CMTM4: variants seen among roughly 807,000 people sequenced by gnomAD.
The protein encoded by CMTM4 is CKLF-like MARVEL transmembrane domain-containing protein 4.
CMTM4 carries 8 observed loss-of-function variants against 19.0 expected under a neutral mutation model. That is an observed-to-expected ratio of 0.42 (90% CI 0.25 to 0.76). The LOEUF is 0.76. CMTM4 is among the 30% of genes least tolerant of loss of function. The pLI, the probability that CMTM4 is intolerant of heterozygous loss-of-function variation, is 0.27. For missense variants in CMTM4, 228 were observed against 290.2 expected (o/e 0.79, Z 1.56); for synonymous variants, 106 against 121.1 (o/e 0.88, Z 0.82).
chr16:66,600,112 T>TTG, the CMTM4 span, among the ~76,000 whole-genome samples: 771 of 146,538 alleles, frequency 5.3e-3, 4 homozygotes, highest in Middle Eastern at 0.021. Context: ...AGCCATCCTT[T>TTG]TGTGTGTGTG....
In CMTM4 at chr16:66,696,220, C is replaced by A; in HGVS notation, c.186+120G>T. ...CCGGGACCCCACGAGGGAGAGGGGGCGCGAGGAGCGGGCTCCGGCCTGGGC... is the reference window on the plus strand; with the variant it reads ...CCGGGACCCCACGAGGGAGAGGGGGAGCGAGGAGCGGGCTCCGGCCTGGGC... On this transcript the variant is annotated intron_variant, in intron 1 of 3. Coordinates refer to ENST00000394106, the MANE Select transcript of CMTM4 (RefSeq NM_181521.3). The surrounding 1 kb of genome is among the most constrained non-coding windows in gnomAD (Gnocchi z 4.3). 1 of 653,950 alleles carries A rather than the reference C, an allele frequency of 1.5e-6. No individual in the cohort carries two copies. Among genetic ancestry groups the A allele is most frequent in the Non-Finnish European group, 2.1e-6 (1 of 466,872 alleles). The allele number at this position is 653,950 out of a possible 1,614,324, so 40.5% of individuals were successfully genotyped here.
intron 1 of CMTM4, among the ~76,000 whole-genome samples, chr16:66,653,992 C>T (rs916744099): frequency 2.6e-5 from 4 of 152,200 alleles, no homozygotes; most frequent in African/African-American, 9.6e-5. Flanking sequence ...CCACCTGCCT[C>T]GGCCTCTGAA....
chr16:66,600,136 G>GTGGTTTTT, the CMTM4 span, among the ~76,000 whole-genome samples: 22 of 135,164 alleles, frequency 1.6e-4, 1 homozygote, highest in South Asian at 7.2e-4. Context: ...GTGTGTGTGT[G>GTGGTTTTT]TTTTTTTTTG....
intron 2 of CMTM4, among the ~76,000 whole-genome samples, chr16:66,634,000 C>T (rs2015936136): frequency 6.6e-6 from 1 of 152,182 alleles, no homozygotes; most frequent in Non-Finnish European, 1.5e-5. Context: ...CAGGCCACCA[C>T]CACCCAGAGG....
At chr16:66,655,521 G>A (rs892268948) in intron 1 of CMTM4, among the ~76,000 whole-genome samples, 4 of 22,726 alleles carry the variant, frequency 1.8e-4, no homozygotes. Context: ...ACAGAAACGT[G>A]TGTGTGTGTG....
chr16:66,689,820 C>T (rs1281632987), intron 1 of CMTM4, among the ~76,000 whole-genome samples: 2 of 152,080 alleles, frequency 1.3e-5, no homozygotes, highest in Non-Finnish European at 2.9e-5. Flanking sequence ...ATTCTTTCTC[C>T]ATTATGCTGG....
chr16:66,662,731 G>C (rs2016520705), intron 1 of CMTM4, among the ~76,000 whole-genome samples: 1 of 152,110 alleles, frequency 6.6e-6, no homozygotes, highest in Non-Finnish European at 1.5e-5. Context: ...CAACAGAGTA[G>C]GGTAACTAAA....
intron 1 of CMTM4, among the ~76,000 whole-genome samples, chr16:66,668,156 A>G (rs1386304042): frequency 3.4e-5 from 5 of 148,966 alleles, no homozygotes; most frequent in Non-Finnish European, 7.4e-5. Context: ...TCACACCACC[A>G]ACAGAGCTAT....
In CMTM4 at chr16:66,622,262, C is replaced by T. The variant is rs771146984; in HGVS notation, c.463-40G>A. ...GCACAGTTAGTCCTCGGGCACGTGG[C>T]CTGGCCCCTCAAGGCTTCTGTGGTG... On this transcript the variant is annotated intron_variant, in intron 3 of 3. Coordinates refer to ENST00000394106, the MANE Select transcript of CMTM4 (RefSeq NM_181521.3). The surrounding 1 kb of genome is among the most constrained non-coding windows in gnomAD (Gnocchi z 4.0). 6.2e-7 allele frequency: 1 copy of T among 1,601,774 alleles called. No individual in the cohort carries two copies. Among genetic ancestry groups the T allele is most frequent in the East Asian group, 2.2e-5 (1 of 44,706 alleles).
downstream of CMTM4, among the ~76,000 whole-genome samples, chr16:66,614,564 C>G (rs556997799): frequency 6.6e-6 from 1 of 152,324 alleles, no homozygotes; most frequent in Admixed American, 6.5e-5. This position sits in a 1 kb window ranked among gnomAD's most constrained non-coding sequence, Gnocchi z 4.9. Flanking sequence ...GGAGAGGCCC[C>G]TGGTGGAATT....
At chr16:66,637,322 A>G in intron 1 of CMTM4, among the ~76,000 whole-genome samples, 1 of 152,190 alleles carries the variant, frequency 6.6e-6, no homozygotes, top group East Asian at 1.9e-4. Flanking sequence ...AGGTTGGCAG[A>G]TCACCGGAGG....
At chr16:66,657,210 G>C (rs2016414167) in intron 1 of CMTM4, among the ~76,000 whole-genome samples, 1 of 151,422 alleles carries the variant, frequency 6.6e-6, no homozygotes, top group Non-Finnish European at 1.5e-5. Context: ...TCAGCCTCCT[G>C]AGTATCTTGG....
At chr16:66,689,404 G>A (rs966425979) in intron 1 of CMTM4, among the ~76,000 whole-genome samples, 2 of 151,984 alleles carry the variant, frequency 1.3e-5, no homozygotes, top group Admixed American at 1.3e-4. Flanking sequence ...ATAGAATCAT[G>A]TGGCTTTGGG....
rs971831990 is a variant in CMTM4 at position 66,619,893 on chromosome 16, G to A, written c.*2165C>T. On this transcript the variant is annotated 3_prime_UTR_variant, in exon 4 of 4. Transcript: ENST00000394106. ...ATTAACTCCTAAGTCACTCTCTGGC[G>A]TGTCATCCTTTTTGGTCATTCATCT... 37 of 985,246 alleles carry A rather than the reference G, an allele frequency of 3.8e-5. No individual in the cohort carries two copies. The highest frequency in any genetic ancestry group is 4.1e-5 in the Non-Finnish European group (34 of 829,922). 61.0% of individuals were successfully genotyped at this position (985,246 alleles called of 1,614,324 possible). A position where few individuals can be genotyped will look rare whatever the true frequency, so the allele number is the denominator to read the frequency against.
chr16:66,622,382 A>C lies in CMTM4; in HGVS notation c.463-160T>G, dbSNP rs752748037. On this transcript the variant is annotated intron_variant, in intron 3 of 3. Coordinates refer to ENST00000394106, the MANE Select transcript of CMTM4 (RefSeq NM_181521.3). The surrounding 1 kb of genome is among the most constrained non-coding windows in gnomAD (Gnocchi z 4.0). ...ATCTCTTCCCCCTCTCAGCAGCCCC[A>C]TTTGATCTAAAGTCTTGTTTCAAAT... Among the ~76,000 whole-genome samples the C allele has an allele frequency of 6.6e-6, 1 of 152,012 alleles. No individual in the cohort carries two copies. The highest frequency in any genetic ancestry group is 1.5e-5 in the Non-Finnish European group (1 of 67,998).
chr16:66,680,196 C>T (rs542294791), intron 1 of CMTM4, among the ~76,000 whole-genome samples: 3 of 152,164 alleles, frequency 2.0e-5, no homozygotes, highest in Admixed American at 6.6e-5. Flanking sequence ...TCATAACTGC[C>T]GGCCAGGCAC....
downstream of CMTM4, chr16:66,613,838 T>A (rs563204531): frequency 6.6e-6 from 1 of 152,354 alleles, no homozygotes; most frequent in South Asian, 2.1e-4. Context: ...CCAATGTGGA[T>A]CCTGACAGCT....
At chr16:66,599,834 G>C in the CMTM4 span, among the ~76,000 whole-genome samples, 1 of 152,006 alleles carries the variant, frequency 6.6e-6, no homozygotes, top group Non-Finnish European at 1.5e-5. Context: ...AGAAAGAGCC[G>C]AACCAGGACT....
rs1357035499 is a variant in CMTM4, at chr16:66,636,540, C to CA, written c.227dup (p.Met76IlefsTer7). The CA allele has an allele frequency of 2.5e-6, 4 of 1,614,136 alleles. No homozygotes were observed. The highest frequency in any genetic ancestry group is 3.4e-6 in the Non-Finnish European group (4 of 1,180,004). ...AGAGGCCTTCACACGGGGAGCATGC[C>CA]ATGATGGTCTCTATGCAGATGAATG... On this transcript the variant is annotated frameshift_variant, in exon 2 of 4. Coordinates refer to ENST00000394106, the MANE Select transcript of CMTM4 (RefSeq NM_181521.3). LOFTEE classifies it high-confidence loss of function.
Sources: gnomAD v4.1 joint callset for allele counts (sites outside exome capture counted in the v4.1 genomes callset) on GRCh38, gnomAD v4.1.1 for gene constraint, Gnocchi (gnomAD v3.1) non-coding constraint, MANE v1.5 for transcripts, NCBI Gene and HGNC (gene_info 2026-07-23, HGNC 2026-07-21) for gene names.